The following TPCN2 variants were observed in gnomAD, a reference collection of about 807,000 sequenced individuals.
The protein encoded by TPCN2 is two pore segment channel 2, also known as two pore channel protein 2.
In TPCN2, 92 loss-of-function variants were observed where a neutral mutation model predicts 111.4. The ratio of observed to expected loss-of-function variants is 0.83; its 90% CI spans 0.70 to 0.98. TPCN2 has a LOEUF of 0.98. Among genes scored for constraint, TPCN2 ranks in the 50% least tolerant of loss-of-function variants. TPCN2 has a pLI of 0.00. For synonymous variants in TPCN2, 405 were observed against 414.5 expected (o/e 0.98, Z 0.28); for missense variants, 995 against 980.1 (o/e 1.02, Z -0.20).
rs749620025 is a variant in TPCN2, at chr11:69,072,925, C to G, written c.1154C>G (p.Ser385Cys). ...HKQAMMEKVRSYGSVLLSAEE... is the reference protein window; with the variant it reads ...HKQAMMEKVRCYGSVLLSAEE... ...CTCCTTCCTGTGCAGAAGGTGCGTT[C>G]CTATGGCAGTGTTCTGCTCTCAGCT... Residue 385 changes from serine (S) to cysteine (C), a missense_variant, in exon 13 of 25, where the codon TCC becomes TGC. By Grantham distance (112) the Ser-to-Cys change is moderately radical. Coordinates refer to ENST00000294309, the MANE Select transcript of TPCN2 (RefSeq NM_139075.4). The G allele has an allele frequency of 3.7e-6, 6 of 1,612,878 alleles. No homozygotes were observed. In the Admixed American group the frequency reaches 6.7e-5, roughly 18 times the overall value.
In TPCN2 at chr11:69,086,076, A is replaced by G. The variant is rs540189194; in HGVS notation, c.2003+146A>G. 1.7e-4 allele frequency: 135 copies of G among 777,956 alleles called. 1 individual carries two copies. The African/African-American group carries it at 2.2e-3, about 13-fold the overall frequency. The allele number at this position is 777,956 out of a possible 1,614,324, so 48.2% of individuals were successfully genotyped here. On this transcript the variant is annotated intron_variant, in intron 22 of 24. Coordinates refer to ENST00000294309, the MANE Select transcript of TPCN2 (RefSeq NM_139075.4). ...TGACAGGGAAGTCGGCCAGCGTGGC[A>G]TCCTGGCTTGCCTTGTCCCTGCCCC...
intron 2 of TPCN2, chr11:69,054,300 TG>T: frequency 1.7e-6 from 1 of 595,494 alleles, no homozygotes; most frequent in Non-Finnish European, 3.0e-6. Flanking sequence ...TTTGCTGCTT[TG>T]ATGCACCGTG....
intron 1 of TPCN2, among the ~76,000 whole-genome samples, chr11:69,051,020 A>G (rs939906980): frequency 1.3e-5 from 2 of 152,240 alleles, no homozygotes; most frequent in African/African-American, 2.4e-5. Flanking sequence ...CTGGCAGACT[A>G]TGGAGCCATG....
At chr11:69,053,914 C>G (rs1199334385) in intron 1 of TPCN2, 119 bp from the exon 2 acceptor site, 1 of 842,000 alleles carries the variant, frequency 1.2e-6, no homozygotes, top group Non-Finnish European at 1.9e-6. Context: ...GTGGAGTCAT[C>G]TCTTTACAAA....
chr11:69,063,266 T>G (rs991954886), intron 6 of TPCN2, among the ~76,000 whole-genome samples: 1 of 151,862 alleles, frequency 6.6e-6, no homozygotes, highest in African/African-American at 2.4e-5. Context: ...ATGGGCACTC[T>G]CTCCGATGGG....
chr11:69,054,004 G>A, intron 1 of TPCN2, 29 bp from the exon 2 acceptor site: 1 of 1,604,754 alleles, frequency 6.2e-7, no homozygotes, highest in Non-Finnish European at 8.5e-7. Flanking sequence ...ATCCTGCTCG[G>A]TCACCTGATG....
intron 7 of TPCN2, among the ~76,000 whole-genome samples, chr11:69,064,690 G>C (rs545981588): frequency 6.6e-6 from 1 of 152,372 alleles, no homozygotes; most frequent in South Asian, 2.1e-4. Context: ...CTGCGCTGCT[G>C]TTCCTGTTTG....
chr11:69,061,041 C>T lies in TPCN2; in HGVS notation c.547-1843C>T, dbSNP rs977493433. ...CTTGCAGATGTTCTGGAGGGCCTGCCGTGCTGCTGCTGGCTGGACCTTGGT... is the reference window on the plus strand; with the variant it reads ...CTTGCAGATGTTCTGGAGGGCCTGCTGTGCTGCTGCTGGCTGGACCTTGGT... On this transcript the variant is annotated intron_variant, in intron 5 of 24. Transcript: ENST00000294309. Among the ~76,000 whole-genome samples the T allele has an allele frequency of 5.9e-5, 9 of 152,194 alleles. No individual in the cohort carries two copies. In the South Asian group the frequency reaches 8.3e-4, roughly 14 times the overall value.
chr11:69,072,497 G>T, intron 11 of TPCN2, 130 bp from the exon 12 acceptor site: 1 of 814,458 alleles, frequency 1.2e-6, no homozygotes, highest in Non-Finnish European at 1.9e-6. Context: ...AGGGGCTCTT[G>T]GTGTGGCTCA....
At position 69,085,954 on chromosome 11, in the gene TPCN2, C is replaced by G. The variant is rs558792640; in HGVS notation, c.2003+24C>G. 180 of 1,603,526 alleles carry G rather than the reference C, an allele frequency of 1.1e-4. 1 individual carries two copies. In the East Asian group the frequency reaches 2.1e-3, roughly 18 times the overall value. On this transcript the variant is annotated intron_variant, in intron 22 of 24. Transcript: ENST00000294309. ...CCGTGAGTCCTCGTCTCCCTGACGG[C>G]AGTGATTCTCCGTGCAGCCTGGGGG... is the stretch of plus-strand genomic sequence containing the variant.
chr11:69,073,759 C>T (rs1438963611), intron 13 of TPCN2, among the ~76,000 whole-genome samples: 2 of 152,198 alleles, frequency 1.3e-5, no homozygotes, highest in Non-Finnish European at 2.9e-5. Context: ...CATGTCCTCA[C>T]CTGAGGCCTC....
chr11:69,070,819 G>A (rs1472687376), intron 9 of TPCN2, among the ~76,000 whole-genome samples: 1 of 139,570 alleles, frequency 7.2e-6, no homozygotes, highest in Non-Finnish European at 1.5e-5. Context: ...CTTCACCCCA[G>A]GGATCTCCCA....
At chr11:69,085,616 C>A (rs61881030) in intron 20 of TPCN2, 55 bp from the exon 21 acceptor site, 16,668 of 1,164,784 alleles carry the variant, frequency 0.014, 160 homozygotes, top group Non-Finnish European at 0.019. Flanking sequence ...TGTAAGGTAT[C>A]AGGCCTCAGA....
Position 69,087,998 on chromosome 11 carries a change from G to A in TPCN2, c.*45G>A, listed in dbSNP as rs764310909. On this transcript the variant is annotated 3_prime_UTR_variant, in exon 25 of 25. Coordinates refer to ENST00000294309, the MANE Select transcript of TPCN2 (RefSeq NM_139075.4). The stretch of plus-strand genomic sequence containing the variant: ...GCAGGGGCGGCAGGAGAGAGAGGCT[G>A]GCCTACACAGGTGCCCGTCATGGAA... 2 of 1,538,302 alleles carry A rather than the reference G, an allele frequency of 1.3e-6. No individual in the cohort carries two copies. The highest frequency in any genetic ancestry group is 1.8e-6 in the Non-Finnish European group (2 of 1,133,572).
chr11:69,064,078 C>A (rs975932092), intron 7 of TPCN2, 111 bp downstream of exon 7: 2 of 1,049,108 alleles, frequency 1.9e-6, no homozygotes, highest in Non-Finnish European at 1.4e-6. Context: ...CGGACTCTGT[C>A]CAGTAATAGC....
At position 69,071,342 on chromosome 11, in the gene TPCN2, G is replaced by T; in HGVS notation, c.896-14G>T. On this transcript the variant is annotated splice_polypyrimidine_tract_variant and intron_variant, in intron 9 of 24. Transcript: ENST00000294309. ...ACTGGTGGCGCCCCTGACCGTGGCTGTCTCCTCTTGAAGGAAGCCTGTTTC... is the reference window on the plus strand; with the variant it reads ...ACTGGTGGCGCCCCTGACCGTGGCTTTCTCCTCTTGAAGGAAGCCTGTTTC... 6.2e-7 allele frequency: 1 copy of T among 1,612,818 alleles called. No individual in the cohort carries two copies. Among genetic ancestry groups the T allele is most frequent in the Non-Finnish European group, 8.5e-7 (1 of 1,179,332 alleles).
chr11:69,067,727 G>A (rs1855334791), intron 8 of TPCN2, 122 bp downstream of exon 8: 2 of 722,766 alleles, frequency 2.8e-6, no homozygotes, highest in African/African-American at 1.8e-5. Context: ...GATAAGTGGA[G>A]AAGAAAGGGT....
rs1213907599 is a variant in TPCN2, at chr11:69,049,024, G to A, written c.27G>A (p.Glu9=). 8.1e-7 allele frequency: 1 copy of A among 1,240,890 alleles called. No individual in the cohort carries two copies. The highest frequency in any genetic ancestry group is 3.2e-5 in the East Asian group (1 of 31,698). 76.9% of individuals were successfully genotyped at this position (1,240,890 alleles called of 1,614,324 possible). MAEPQAES[E]PLLGGARGGG... ...TGGCGGAACCCCAGGCGGAGTCGGA[G>A]CCCCTGCTGGGCGGGGCCCGCGGCG... The change falls in exon 1 of 25, where the codon GAG becomes GAA. Residue 9 remains glutamate (E), a synonymous_variant. Transcript: ENST00000294309.
At chr11:69,053,891 G>A (rs532246529) in intron 1 of TPCN2, 142 bp from the exon 2 acceptor site, 2 of 698,862 alleles carry the variant, frequency 2.9e-6, no homozygotes, top group Non-Finnish European at 4.9e-6. Flanking sequence ...GGTACATGCA[G>A]CCCCACTGCC....
Sources: allele counts gnomAD v4.1 joint callset (sites outside exome capture counted in the v4.1 genomes callset), GRCh38; gene constraint gnomAD v4.1.1; transcripts MANE v1.5; gene names NCBI Gene and HGNC (gene_info 2026-07-23, HGNC 2026-07-21).